The following DMBT1 variants were observed in gnomAD, a reference collection of about 807,000 sequenced individuals.
DMBT1 encodes the protein scavenger receptor cysteine-rich domain-containing protein DMBT1.
In DMBT1, 198 loss-of-function variants were observed where a neutral mutation model predicts 252.9. The observed-to-expected ratio is 0.78, with a 90% CI of 0.70 to 0.88. DMBT1 has a LOEUF of 0.88. Among genes scored for constraint, DMBT1 ranks in the 40% least tolerant of loss-of-function variants. The probability of loss-of-function intolerance (pLI) is 0.00; values close to 1 mark genes in which losing one functional copy is unlikely to be tolerated. For missense variants in DMBT1, 2,432 were observed against 2,404.7 expected (o/e 1.01, Z -0.24); for synonymous variants, 990 against 942.7 (o/e 1.05, Z -0.92).
At chr10:122,587,018 A>G (rs2097795847) in intron 16 of DMBT1, among the ~76,000 whole-genome samples, 1 of 148,450 alleles carries the variant, frequency 6.7e-6, no homozygotes, top group Non-Finnish European at 1.5e-5. Context: ...ACCAGGGAGG[A>G]CACTAAGTTA....
rs985131639 is a variant in DMBT1, at chr10:122,599,153, A to T, written c.3280+56A>T. ...TTGGGGTGGAGTTTGCTCCAGAAGA[A>T]ACTCCTAATTACATTCTGATCTCCT... is the stretch of plus-strand genomic sequence containing the variant. On this transcript the variant is annotated intron_variant, in intron 26 of 55. Transcript: ENST00000338354. 3.4e-5 allele frequency: 55 copies of T among 1,612,814 alleles called. No homozygotes were observed. The East Asian group carries it at 1.2e-3, about 35-fold the overall frequency.
chr10:122,643,453 C>T lies in DMBT1; in HGVS notation c.*55C>T, dbSNP rs1375637176. ...GGGGCGCAGACCCCTGACTCGGGGACTTGGGATGTTCCTCTTGGTGTCATA... is the reference window on the plus strand; with the variant it reads ...GGGGCGCAGACCCCTGACTCGGGGATTTGGGATGTTCCTCTTGGTGTCATA... On this transcript the variant is annotated 3_prime_UTR_variant, in exon 56 of 56. Coordinates refer to ENST00000338354, the MANE Select transcript of DMBT1 (RefSeq NM_001377530.1). 6.5e-7 allele frequency: 1 copy of T among 1,548,130 alleles called. No individual in the cohort carries two copies. Among genetic ancestry groups the T allele is most frequent in the Non-Finnish European group, 8.7e-7 (1 of 1,144,436 alleles).
In DMBT1 at chr10:122,587,348, G is replaced by A. The variant is rs151007167; in HGVS notation, c.1783+965G>A. ...AACACAAGGCTGGGAGTGGAGATTC[G>A]TGACTGTCCATATCTGACCTGGGTT... is the stretch of plus-strand genomic sequence containing the variant. On this transcript the variant is annotated intron_variant, in intron 16 of 55. Coordinates refer to ENST00000338354, the MANE Select transcript of DMBT1 (RefSeq NM_001377530.1). Among the ~76,000 whole-genome samples the A allele has an allele frequency of 4.7e-3, 697 of 148,608 alleles. 66 individuals are homozygous for A. The highest frequency in any genetic ancestry group is 7.0e-3 in the Non-Finnish European group (469 of 66,698).
chr10:122,573,868 A>G, intron 6 of DMBT1, 106 bp downstream of exon 6: 1 of 1,401,954 alleles, frequency 7.1e-7, no homozygotes, highest in Admixed American at 1.7e-5. Context: ...TAGGGTGCTT[A>G]GCTCCCACGA....
chr10:122,625,876 C>G, intron 45 of DMBT1, 57 bp from the exon 46 acceptor site: 4 of 1,413,078 alleles, frequency 2.8e-6, no homozygotes, highest in Non-Finnish European at 4.0e-6. Context: ...AAACAAATTA[C>G]TATGGAATGG....
intron 6 of DMBT1, 48 bp downstream of exon 6, chr10:122,573,810 C>T (rs772226024): frequency 7.5e-6 from 12 of 1,597,464 alleles, no homozygotes; most frequent in Non-Finnish European, 1.0e-5. Flanking sequence ...CCCCCCTGCA[C>T]CCCTAGGTTA....
intron 4 of DMBT1, among the ~76,000 whole-genome samples, chr10:122,571,240 G>A (rs545841609): frequency 1.3e-5 from 2 of 152,306 alleles, no homozygotes; most frequent in East Asian, 1.9e-4. Flanking sequence ...AAGGTCAAGC[G>A]GTTATCTTCC....
intron 54 of DMBT1, 57 bp downstream of exon 54, chr10:122,637,369 T>C: frequency 6.8e-7 from 1 of 1,462,098 alleles, no homozygotes; most frequent in African/African-American, 1.4e-5. Context: ...TAGAGCGGTA[T>C]GTCCTGTGCT....
chr10:122,636,155 G>C lies in DMBT1; in HGVS notation c.6713G>C (p.Gly2238Ala), dbSNP rs922749508. 3.1e-6 allele frequency: 5 copies of C among 1,613,810 alleles called. No homozygotes were observed. Among genetic ancestry groups the C allele is most frequent in the Non-Finnish European group, 4.2e-6 (5 of 1,179,888 alleles). The change falls in exon 53 of 56, where the codon GGG (glycine) becomes GCG (alanine). Residue 2238 changes from glycine to alanine, a missense_variant. Coordinates refer to ENST00000338354, the MANE Select transcript of DMBT1 (RefSeq NM_001377530.1). The part of the protein sequence containing the change: ...FISDHSITRR[G>A]FRAEYYSSPS... ...AGTGACCACAGCATCACAAGGAGAG[G>C]GTTCCGGGCTGAGTACTACTCCAGT...
At chr10:122,624,070 A>T (rs952520553) in intron 44 of DMBT1, among the ~76,000 whole-genome samples, 4 of 152,162 alleles carry the variant, frequency 2.6e-5, no homozygotes, top group South Asian at 2.1e-4. Flanking sequence ...GGTCCCTGTG[A>T]GCAGAGTGAG....
In DMBT1 at chr10:122,643,367, C is replaced by A. The variant is rs938029461; in HGVS notation, c.7598C>A (p.Thr2533Asn). The A allele has an allele frequency of 2.5e-6, 4 of 1,613,402 alleles. No individual in the cohort carries two copies. Among genetic ancestry groups the A allele is most frequent in the African/African-American group, 1.3e-5 (1 of 74,866 alleles). ...DVVLGPIQLQ[T>N]PPRREEEPR ...GTCCTGGGTCCCATCCAGCTGCAGACCCCCCCACGCCGAGAAGAGGAGCCT... is the reference window on the plus strand; with the variant it reads ...GTCCTGGGTCCCATCCAGCTGCAGAACCCCCCACGCCGAGAAGAGGAGCCT... Residue 2533 changes from threonine (T) to asparagine (N), a missense_variant, in exon 56 of 56, where the codon ACC becomes AAC. Physicochemically the swap from Thr to Asn is moderately conservative, Grantham distance 65 (BLOSUM62 0). Transcript: ENST00000338354.
intron 3 of DMBT1, 63 bp from the exon 4 acceptor site, chr10:122,570,827 A>G: frequency 8.2e-6 from 13 of 1,580,206 alleles, no homozygotes; most frequent in East Asian, 4.5e-5. Context: ...TGACGAAGCC[A>G]TGGACCAACC....
intron 52 of DMBT1, among the ~76,000 whole-genome samples, chr10:122,635,736 A>G (rs1316514993): frequency 2.0e-5 from 3 of 151,978 alleles, no homozygotes; most frequent in Admixed American, 6.6e-5. Context: ...TTGGATTTTT[A>G]GTAGAGACAG....
intron 2 of DMBT1, 141 bp downstream of exon 2, chr10:122,566,137 G>A (rs2097588654): frequency 2.3e-6 from 2 of 857,400 alleles, no homozygotes; most frequent in Admixed American, 2.1e-5. Flanking sequence ...GGGGGGACAG[G>A]AGACGTGCGT....
rs1247977519 is a variant in DMBT1 at position 122,636,009 on chromosome 10, C to T, written c.6567C>T (p.Asn2189=). 1 of 1,613,974 alleles carries T rather than the reference C, an allele frequency of 6.2e-7. No individual in the cohort carries two copies. The highest frequency in any genetic ancestry group is 1.7e-5 in the Admixed American group (1 of 60,028). ...FRDVQLEGGC[N]YDYIEVFDGP... ...TCTGCAGGCTTGAAGGTGGCTGCAACTATGATTATATTGAAGTTTTCGATG... is the reference window on the plus strand; with the variant it reads ...TCTGCAGGCTTGAAGGTGGCTGCAATTATGATTATATTGAAGTTTTCGATG... Residue 2189 remains asparagine, a synonymous_variant, in exon 53 of 56, where the codon AAC becomes AAT. Coordinates refer to ENST00000338354, the MANE Select transcript of DMBT1 (RefSeq NM_001377530.1).
At chr10:122,632,839 G>C (rs1311643689) in intron 50 of DMBT1, 22 bp from the exon 51 acceptor site, 5 of 1,613,176 alleles carry the variant, frequency 3.1e-6, no homozygotes, top group East Asian at 4.5e-5. Flanking sequence ...AACTGATCCT[G>C]ATCTTTTCTT....
At chr10:122,590,582 T>A in intron 17 of DMBT1, 83 bp from the exon 18 acceptor site, 1 of 1,491,596 alleles carries the variant, frequency 6.7e-7, no homozygotes, top group Non-Finnish European at 9.3e-7. Flanking sequence ...CTGAAGGCGC[T>A]ACCAGTTTAG....
At chr10:122,634,435 TCTCTCTC>T (rs2098203493) in intron 52 of DMBT1, among the ~76,000 whole-genome samples, 2 of 35,248 alleles carry the variant, frequency 5.7e-5, no homozygotes, top group African/African-American at 2.0e-4. Context: ...CTCTCTTCTC[TCTCTCTC>T]TCTCTCTCTC....
At chr10:122,567,023 G>A (rs1479736910) in intron 2 of DMBT1, among the ~76,000 whole-genome samples, 1 of 152,212 alleles carries the variant, frequency 6.6e-6, no homozygotes, top group African/African-American at 2.4e-5. Context: ...GTGAGAATGT[G>A]CAGAGAACTT....
Sources: allele counts gnomAD v4.1 joint callset (sites outside exome capture counted in the v4.1 genomes callset), GRCh38; gene constraint gnomAD v4.1.1; transcripts MANE v1.5; gene names NCBI Gene and HGNC (gene_info 2026-07-23, HGNC 2026-07-21).